Variants in INTS2 observed in about 807,000 individuals in gnomAD.
INTS2 encodes the protein KIAA1287.
In INTS2, 57 loss-of-function variants were observed where a neutral mutation model predicts 139.6. The observed-to-expected ratio is 0.41, with a 90% CI of 0.33 to 0.51. The LOEUF is 0.51. Ranked by LOEUF, INTS2 falls within the 20% of genes least tolerant of loss-of-function variation. The pLI is 0.28. For synonymous variants in INTS2, 473 were observed against 493.4 expected (o/e 0.96, Z 0.55); for missense variants, 1,196 against 1,436.7 (o/e 0.83, Z 2.71).
rs781017822 is a variant in INTS2 at position 61,889,943 on chromosome 17, G to T, written c.1876-49C>A. ...CTGAAATACTCTGAATTTCACGAGT[G>T]CTTTTTTTTTTCTTGATAGTAAAAG... On this transcript the variant is annotated intron_variant, in intron 14 of 24. Transcript: ENST00000251334. 5 of 1,172,256 alleles carry T rather than the reference G, an allele frequency of 4.3e-6. No individual in the cohort carries two copies. In the African/African-American group the frequency reaches 6.1e-5, roughly 14 times the overall value. The allele number at this position is 1,172,256 out of a possible 1,614,324, so 72.6% of individuals were successfully genotyped here. A position where few individuals can be genotyped will look rare whatever the true frequency, so the allele number is the denominator to read the frequency against.
At chr17:61,908,822 G>C (rs2079493374) in intron 7 of INTS2, among the ~76,000 whole-genome samples, 1 of 151,978 alleles carries the variant, frequency 6.6e-6, no homozygotes, top group Non-Finnish European at 1.5e-5. Context: ...CTTAAAATCA[G>C]TTTTCAAATG....
rs1255768417 is a variant in INTS2, at chr17:61,925,232, T to A, written c.294-133A>T. ...CTAAAATGTTCTGTTACTTCTGAAATGCTATTTAGTTTGCCTGTGTATTTC... is the reference window on the plus strand; with the variant it reads ...CTAAAATGTTCTGTTACTTCTGAAAAGCTATTTAGTTTGCCTGTGTATTTC... On this transcript the variant is annotated intron_variant, in intron 2 of 24. Transcript: ENST00000251334. The A allele has an allele frequency of 1.0e-5, 9 of 857,422 alleles. No individual in the cohort carries two copies. The East Asian group carries it at 2.1e-4, about 20-fold the overall frequency. 53.1% of individuals were successfully genotyped at this position (857,422 alleles called of 1,614,324 possible).
intron 2 of INTS2, 139 bp from the exon 3 acceptor site, chr17:61,925,238 T>G (rs950188272): frequency 1.2e-5 from 10 of 825,902 alleles, no homozygotes; most frequent in Non-Finnish European, 1.7e-5. Flanking sequence ...GAAATGCTAT[T>G]TAGTTTGCCT....
At chr17:61,912,294 C>T (rs988060412) in intron 5 of INTS2, among the ~76,000 whole-genome samples, 1 of 147,230 alleles carries the variant, frequency 6.8e-6, no homozygotes, top group African/African-American at 2.5e-5. Flanking sequence ...AAAGAAAGTA[C>T]GAGACAAAAA....
chr17:61,874,039 T>C (rs539968892), intron 19 of INTS2: 1 of 152,336 alleles, frequency 6.6e-6, no homozygotes, highest in South Asian at 2.1e-4. Context: ...TTTATACTAT[T>C]AGATGAACAA....
In INTS2 at chr17:61,869,599, G is replaced by T; in HGVS notation, c.3030+138C>A. Reference sequence around the variant, plus strand: ...TAAAAAAAAAAACAACTAAAAATCTGGATTTTTCTCCATATTGCAAAAGCC... The same window carrying T: ...TAAAAAAAAAAACAACTAAAAATCTTGATTTTTCTCCATATTGCAAAAGCC... On this transcript the variant is annotated intron_variant, in intron 21 of 24. Coordinates refer to ENST00000251334, the MANE Select transcript of INTS2 (RefSeq NM_001351695.2). This position sits in a 1 kb window ranked among gnomAD's most constrained non-coding sequence, Gnocchi z 5.4. 1 of 1,084,600 alleles carries T rather than the reference G, an allele frequency of 9.2e-7. No homozygotes were observed. The highest frequency in any genetic ancestry group is 1.3e-6 in the Non-Finnish European group (1 of 757,684). 67.2% of individuals were successfully genotyped at this position (1,084,600 alleles called of 1,614,324 possible). A position where few individuals can be genotyped will look rare whatever the true frequency, so the allele number is the denominator to read the frequency against.
rs544493259 is a variant in INTS2 at position 61,865,370 on chromosome 17, G to A, written c.*2187C>T. 5 of 152,602 alleles carry A rather than the reference G, an allele frequency of 3.3e-5. No individual in the cohort carries two copies. The highest frequency in any genetic ancestry group is 4.1e-4 in the South Asian group (2 of 4,822). The allele number at this position is 152,602 out of a possible 1,614,324, so 9.5% of individuals were successfully genotyped here. On this transcript the variant is annotated 3_prime_UTR_variant, in exon 25 of 25. Transcript: ENST00000251334. This position sits in a 1 kb window ranked among gnomAD's most constrained non-coding sequence, Gnocchi z 4.8. ...AATGAAACACAAAAACTACAGGTTC[G>A]TTTGATAAAGAATATGAATGTTTAT...
At position 61,882,074 on chromosome 17, in the gene INTS2, T is replaced by C. The variant is rs191273071; in HGVS notation, c.2090-903A>G. On this transcript the variant is annotated intron_variant, in intron 16 of 24. Transcript: ENST00000251334. This position sits in a 1 kb window ranked among gnomAD's most constrained non-coding sequence, Gnocchi z 4.7. Reference sequence around the variant, plus strand: ...CCAACCCTGTTGAGAATCATCACTATAGATATGGTAAAATTAAAGTTGCCC... The same window carrying C: ...CCAACCCTGTTGAGAATCATCACTACAGATATGGTAAAATTAAAGTTGCCC... 6.4e-3 allele frequency among the ~76,000 whole-genome samples: 981 copies of C among 152,354 alleles called. 7 individuals are homozygous for C. The highest frequency in any genetic ancestry group is 9.7e-3 in the Non-Finnish European group (662 of 68,040).
chr17:61,880,691 G>A (rs1603373852), intron 17 of INTS2, among the ~76,000 whole-genome samples: 1 of 152,010 alleles, frequency 6.6e-6, no homozygotes, highest in South Asian at 2.1e-4. Context: ...GGTGGAGGCT[G>A]CAGTGAGCTG....
At chr17:61,896,239 CAAAA>C (rs1197473910) in intron 11 of INTS2, among the ~76,000 whole-genome samples, 1 of 45,126 alleles carries the variant, frequency 2.2e-5, no homozygotes, top group Admixed American at 2.6e-4. Context: ...GACTCCATCT[CAAAA>C]AAAAAAAACA....
chr17:61,926,791 A>G, intron 1 of INTS2, 129 bp from the exon 2 acceptor site: 1 of 747,330 alleles, frequency 1.3e-6, no homozygotes, highest in Non-Finnish European at 2.3e-6. Flanking sequence ...TCCTGGCACA[A>G]TCAAGACAAG....
chr17:61,881,318 C>G (rs1005547266), intron 16 of INTS2, 147 bp from the exon 17 acceptor site: 3 of 680,828 alleles, frequency 4.4e-6, no homozygotes, highest in Non-Finnish European at 7.2e-6. Flanking sequence ...ATTAGATGGC[C>G]GGGCGCGGTG....
chr17:61,900,575 T>C (rs1765608188), intron 9 of INTS2, among the ~76,000 whole-genome samples: 1 of 152,198 alleles, frequency 6.6e-6, no homozygotes. Context: ...CAGACAATAA[T>C]CTTTAGAACT....
In INTS2 at chr17:61,877,984, A is replaced by G; in HGVS notation, c.2359T>C (p.Ser787Pro). ...ELIPYAEVLT[S>P]NMSQLLNSGV... ...GAATTCAATAGCTGGCTCATATTGG[A>G]TGTTAACACTTCCGCATATGGTATA... Residue 787 changes from serine to proline, a missense_variant, in exon 18 of 25, where the codon TCC (serine) becomes CCC (proline). Ser to Pro is a moderately conservative substitution (Grantham distance 74). Coordinates refer to ENST00000251334, the MANE Select transcript of INTS2 (RefSeq NM_001351695.2). 6.2e-7 allele frequency: 1 copy of G among 1,613,094 alleles called. No homozygotes were observed.
At chr17:61,920,634 T>C (rs1252720122) in intron 4 of INTS2, among the ~76,000 whole-genome samples, 2 of 151,932 alleles carry the variant, frequency 1.3e-5, no homozygotes, top group Middle Eastern at 3.4e-3. Context: ...TGAAACCTCG[T>C]CGCCACTAAA....
In INTS2 at chr17:61,907,553, C is replaced by T. The variant is rs748927734; in HGVS notation, c.1036G>A (p.Val346Ile). 3.3e-5 allele frequency: 53 copies of T among 1,594,118 alleles called. No individual in the cohort carries two copies. The highest frequency in any genetic ancestry group is 4.2e-5 in the Non-Finnish European group (49 of 1,169,932). Residue 346 changes from valine (V) to isoleucine (I), a missense_variant, in exon 8 of 25, where the codon GTA (valine) becomes ATA (isoleucine). Val to Ile is a conservative substitution (Grantham distance 29, BLOSUM62 3). This residue lies in a region of INTS2 where 1,129 missense variants were observed against 1,341.9 expected (regional missense o/e 0.84). Transcript: ENST00000251334. ...LLELMGILPT[V>I]RSTRIVEEAD... Reference sequence around the variant, plus strand: ...TCTTCCACAATTCGGGTGCTTCTTACTGTGGGAAGAATGCCCATCAACTCC... The same window carrying T: ...TCTTCCACAATTCGGGTGCTTCTTATTGTGGGAAGAATGCCCATCAACTCC...
rs1567893947 is a variant in INTS2 at position 61,882,807 on chromosome 17, A to C, written c.2090-1636T>G. 6.6e-6 allele frequency among the ~76,000 whole-genome samples: 1 copy of C among 152,258 alleles called. No homozygotes were observed. Among genetic ancestry groups the C allele is most frequent in the Non-Finnish European group, 1.5e-5 (1 of 68,042 alleles). ...TACTACTATGCTAAGTGCTTCACACATAAGTACCTAATAAATATTGTTGCT... is the reference window on the plus strand; with the variant it reads ...TACTACTATGCTAAGTGCTTCACACCTAAGTACCTAATAAATATTGTTGCT... On this transcript the variant is annotated intron_variant, in intron 16 of 24. Transcript: ENST00000251334. This position sits in a 1 kb window ranked among gnomAD's most constrained non-coding sequence, Gnocchi z 4.7.
At position 61,867,093 on chromosome 17, in the gene INTS2, A is replaced by G. The variant is rs887051741; in HGVS notation, c.*464T>C. 1 of 152,150 alleles carries G rather than the reference A, an allele frequency of 6.6e-6. No homozygotes were observed. The highest frequency in any genetic ancestry group is 2.4e-5 in the African/African-American group (1 of 41,410). The allele number at this position is 152,150 out of a possible 1,614,324, so 9.4% of individuals were successfully genotyped here. ...ATTTCTACTTGTGTTTTTAACTCCT[A>G]TTATTTCCTTAATTCTCCTTTCCCT... On this transcript the variant is annotated 3_prime_UTR_variant, in exon 25 of 25. Transcript: ENST00000251334. The surrounding 1 kb of genome is among the most constrained non-coding windows in gnomAD (Gnocchi z 5.6).
At chr17:61,885,414 CTT>C (rs201806448) in intron 15 of INTS2, 399 of 141,850 alleles carry the variant, frequency 2.8e-3, no homozygotes, top group South Asian at 0.016. Flanking sequence ...GTAATTTTAT[CTT>C]TTTTTTTTTT....
Sources: allele counts gnomAD v4.1 joint callset (sites outside exome capture counted in the v4.1 genomes callset), GRCh38; gene constraint gnomAD v4.1.1; regional missense constraint gnomAD v4.1.1; non-coding constraint Gnocchi (gnomAD v3.1); transcripts MANE v1.5; gene names NCBI Gene and HGNC (gene_info 2026-07-23, HGNC 2026-07-21).